UNC5D: variants seen among roughly 807,000 people sequenced by gnomAD.
UNC5D encodes the protein netrin receptor UNC5D.
Under a neutral mutation model 105.4 loss-of-function variants are expected in UNC5D, and 39 were observed. That is an observed-to-expected ratio of 0.37 (90% CI 0.29 to 0.48). The LOEUF (loss-of-function observed/expected upper bound fraction) is 0.48. UNC5D is among the 20% of genes least tolerant of loss of function. The pLI, the probability that UNC5D is intolerant of heterozygous loss-of-function variation, is 0.98. For missense variants in UNC5D, 991 were observed against 1,202.4 expected (o/e 0.82, Z 2.60); for synonymous variants, 452 against 450.4 (o/e 1.00, Z -0.04).
intron 1 of UNC5D, among the ~76,000 whole-genome samples, chr8:35,298,641 G>T (rs548386749): frequency 7.7e-6 from 1 of 130,466 alleles, no homozygotes; most frequent in East Asian, 2.3e-4. Flanking sequence ...GGCTGATAAA[G>T]TATGTGTATG....
chr8:35,688,181 A>G (rs1293920821), intron 7 of UNC5D, among the ~76,000 whole-genome samples: 1 of 151,482 alleles, frequency 6.6e-6, no homozygotes, highest in Non-Finnish European at 1.5e-5. Context: ...CACACACAAG[A>G]CTGAGCACTT....
At chr8:35,342,979 A>G (rs1304656858) in intron 1 of UNC5D, among the ~76,000 whole-genome samples, 2 of 152,080 alleles carry the variant, frequency 1.3e-5, no homozygotes, top group Non-Finnish European at 2.9e-5. Flanking sequence ...TGGTTTCTTA[A>G]GTTTAGTGTA....
At chr8:35,568,451 G>A (rs886187569) in intron 3 of UNC5D, among the ~76,000 whole-genome samples, 6 of 152,258 alleles carry the variant, frequency 3.9e-5, no homozygotes, top group Admixed American at 2.0e-4. Flanking sequence ...CACTTTGGGA[G>A]GCCAAGGTGG....
intron 1 of UNC5D, among the ~76,000 whole-genome samples, chr8:35,366,437 T>C (rs1177597807): frequency 6.6e-6 from 1 of 152,100 alleles, no homozygotes; most frequent in Non-Finnish European, 1.5e-5. Flanking sequence ...TCAGGTTAGA[T>C]GTAACTTCTC....
intron 10 of UNC5D, among the ~76,000 whole-genome samples, chr8:35,730,134 T>C (rs1481034278): frequency 6.6e-6 from 1 of 152,222 alleles, no homozygotes; most frequent in African/African-American, 2.4e-5. Context: ...TGTAAGGATC[T>C]TACTGTTTCT....
At chr8:35,650,769 G>A (rs1370236135) in intron 4 of UNC5D, among the ~76,000 whole-genome samples, 2 of 152,214 alleles carry the variant, frequency 1.3e-5, no homozygotes, top group Non-Finnish European at 2.9e-5. Context: ...ACGGTGCCCA[G>A]CCAAGAACTG....
At chr8:35,441,486 C>A (rs575270382) in intron 1 of UNC5D, among the ~76,000 whole-genome samples, 4 of 151,674 alleles carry the variant, frequency 2.6e-5, no homozygotes, top group South Asian at 2.1e-4. Context: ...TGGAATGTAC[C>A]CCCTGTAGAT....
intron 1 of UNC5D, among the ~76,000 whole-genome samples, chr8:35,456,977 TGTG>T (rs1349928463): frequency 6.6e-6 from 1 of 152,218 alleles, no homozygotes; most frequent in Non-Finnish European, 1.5e-5. Context: ...CTATGTTACT[TGTG>T]GTGCATTTTC....
Position 35,253,473 on chromosome 8 carries a change from C to CTTTTTTTTTTTT in UNC5D, c.103+17596_103+17607dup, listed in dbSNP as rs58063448. On this transcript the variant is annotated intron_variant, in intron 1 of 16. Coordinates refer to ENST00000404895, the MANE Select transcript of UNC5D (RefSeq NM_080872.4). ...GAGTTTGGAGTAGAGATTTTATTTC[C>CTTTTTTTTTTTT]TTTTTTTTTTTTTTTTTTTTTCTTT... Among the ~76,000 whole-genome samples, 19 of 99,848 alleles carry CTTTTTTTTTTTT rather than the reference C, an allele frequency of 1.9e-4. 1 individual carries two copies. Among genetic ancestry groups the CTTTTTTTTTTTT allele is most frequent in the South Asian group, 3.8e-4 (1 of 2,628 alleles). 65.5% of individuals were successfully genotyped at this position (99,848 alleles called of 152,430 possible).
chr8:35,467,223 C>G (rs1809372029), intron 1 of UNC5D, among the ~76,000 whole-genome samples: 1 of 152,132 alleles, frequency 6.6e-6, no homozygotes, highest in South Asian at 2.1e-4. Context: ...TGCCAGTTGT[C>G]TTTGAGCACT....
At chr8:35,756,780 A>AT (rs1159472681) in intron 13 of UNC5D, among the ~76,000 whole-genome samples, 1 of 152,160 alleles carries the variant, frequency 6.6e-6, no homozygotes, top group African/African-American at 2.4e-5. Context: ...CAATACAACG[A>AT]TTGTGTGTAG....
chr8:35,266,062 T>C (rs1804849464), intron 1 of UNC5D, among the ~76,000 whole-genome samples: 1 of 152,034 alleles, frequency 6.6e-6, no homozygotes, highest in Non-Finnish European at 1.5e-5. Context: ...TGTTTAACTT[T>C]TCAATAGTAA....
At chr8:35,285,042 C>T (rs1806489980) in intron 1 of UNC5D, among the ~76,000 whole-genome samples, 1 of 152,128 alleles carries the variant, frequency 6.6e-6, no homozygotes, top group Non-Finnish European at 1.5e-5. Context: ...GATACCAATA[C>T]CTAAATGATA....
chr8:35,766,136 T>A lies in UNC5D; in HGVS notation c.2314-766T>A, dbSNP rs57009746. On this transcript the variant is annotated intron_variant, in intron 14 of 16. Transcript: ENST00000404895. ...ACTAAAAGGTATTTTTGCCTCTCAG[T>A]TGTCCATATGTCCCCTGAGAGTAGG... is the stretch of plus-strand genomic sequence containing the variant. Among the ~76,000 whole-genome samples, 878 of 152,320 alleles carry A rather than the reference T, an allele frequency of 5.8e-3. 7 individuals carry two copies. Among genetic ancestry groups the A allele is most frequent in the African/African-American group, 0.02 (830 of 41,574 alleles).
intron 13 of UNC5D, among the ~76,000 whole-genome samples, chr8:35,755,825 C>A (rs118029396): frequency 1.3e-5 from 2 of 152,144 alleles, no homozygotes; most frequent in Non-Finnish European, 2.9e-5. Flanking sequence ...AACAGGAGGT[C>A]CTTGTCACAT....
chr8:35,683,522 T>C (rs1393465655), intron 4 of UNC5D, 25 bp from the exon 5 acceptor site: 4 of 1,552,128 alleles, frequency 2.6e-6, no homozygotes, highest in Non-Finnish European at 3.4e-6. Flanking sequence ...TTTAGTGACT[T>C]GTAAACATTC....
intron 2 of UNC5D, among the ~76,000 whole-genome samples, chr8:35,565,703 G>A (rs1411233792): frequency 6.6e-6 from 1 of 151,996 alleles, no homozygotes; most frequent in Non-Finnish European, 1.5e-5. Context: ...ACAGCTTATG[G>A]TCCTACATTC....
rs1807245620 is a variant in UNC5D at position 35,439,345 on chromosome 8, T to A, written c.104-109947T>A. Among the ~76,000 whole-genome samples the A allele has an allele frequency of 2.6e-5, 4 of 152,020 alleles. 1 individual carries two copies. On this transcript the variant is annotated intron_variant, in intron 1 of 16. Coordinates refer to ENST00000404895, the MANE Select transcript of UNC5D (RefSeq NM_080872.4). ...ATTTGGGATGTTCTCCGTTGACAGTTTCTCTGAGATCCATGTTTTCCCCTT... is the reference window on the plus strand; with the variant it reads ...ATTTGGGATGTTCTCCGTTGACAGTATCTCTGAGATCCATGTTTTCCCCTT...
At chr8:35,528,116 T>C (rs935575960) in intron 1 of UNC5D, among the ~76,000 whole-genome samples, 5 of 148,464 alleles carry the variant, frequency 3.4e-5, no homozygotes, top group Non-Finnish European at 7.4e-5. Context: ...TACATATGTA[T>C]ACATGTGCCA....
Sources: allele counts gnomAD v4.1 joint callset (sites outside exome capture counted in the v4.1 genomes callset), GRCh38; gene constraint gnomAD v4.1.1; transcripts MANE v1.5; gene names NCBI Gene and HGNC (gene_info 2026-07-23, HGNC 2026-07-21).